The following LNPK variants were observed in gnomAD, a reference collection of about 807,000 sequenced individuals.
The protein encoded by LNPK is endoplasmic reticulum junction formation protein lunapark.
Under a neutral mutation model 55.2 loss-of-function variants are expected in LNPK, and 29 were observed. The observed-to-expected ratio is 0.53, with a 90% CI of 0.39 to 0.72. The LOEUF is 0.72. Ranked by LOEUF, LNPK falls within the 30% of genes least tolerant of loss-of-function variation. LNPK has a pLI of 0.00. For synonymous variants in LNPK, 162 were observed against 168.2 expected (o/e 0.96, Z 0.29); for missense variants, 467 against 494.8 (o/e 0.94, Z 0.53).
intron 8 of LNPK, among the ~76,000 whole-genome samples, chr2:175,962,748 A>G (rs540556009): frequency 5.5e-4 from 84 of 152,326 alleles, no homozygotes; most frequent in African/African-American, 2.0e-3. Context: ...AGAAGAAACT[A>G]CCATCAGACT....
chr2:175,951,955 T>A (rs1685440554), intron 8 of LNPK, among the ~76,000 whole-genome samples: 1 of 151,982 alleles, frequency 6.6e-6, no homozygotes, highest in South Asian at 2.1e-4. Flanking sequence ...GGTATTGCAT[T>A]TTGGTTTTGA....
chr2:175,981,087 T>C (rs540979701), intron 4 of LNPK, among the ~76,000 whole-genome samples: 1 of 152,308 alleles, frequency 6.6e-6, no homozygotes, highest in South Asian at 2.1e-4. Flanking sequence ...AACCTGCAAG[T>C]AGTCACCAGT....
At chr2:176,002,635 T>TTGGG (rs910116636), upstream of LNPK, 1 of 179,018 alleles carries the variant, frequency 5.6e-6, no homozygotes, top group Non-Finnish European at 1.2e-5. Flanking sequence ...AGGACAAAGG[T>TTGGG]TGGGGAGTTG....
At chr2:175,967,201 T>C (rs534830607) in intron 6 of LNPK, among the ~76,000 whole-genome samples, 1 of 152,326 alleles carries the variant, frequency 6.6e-6, no homozygotes, top group South Asian at 2.1e-4. Context: ...TCGTTAGTGT[T>C]AAAGAATGAA....
rs767690146 is a variant in LNPK, at chr2:175,984,240, G to A, written c.258-4372C>T. On this transcript the variant is annotated intron_variant, in intron 4 of 12. Transcript: ENST00000272748. ...TGCCCAGGCTAGAGTGCAGTGGGGC[G>A]CGATCTTGACTCACTGAAACCTCCG... Among the ~76,000 whole-genome samples the A allele has an allele frequency of 2.0e-5, 3 of 151,712 alleles. No homozygotes were observed. In the East Asian group the frequency reaches 5.8e-4, roughly 29 times the overall value.
intron 8 of LNPK, among the ~76,000 whole-genome samples, chr2:175,953,960 G>T (rs142857179): frequency 6.6e-6 from 1 of 152,034 alleles, no homozygotes; most frequent in African/African-American, 2.4e-5. Context: ...CTTTTTCAGG[G>T]ATATGGCAAT....
intron 9 of LNPK, among the ~76,000 whole-genome samples, chr2:175,940,550 T>C (rs1353883890): frequency 6.6e-6 from 1 of 152,116 alleles, no homozygotes; most frequent in African/African-American, 2.4e-5. Context: ...AGGTAAAGTA[T>C]TCAGAAGAGT....
chr2:175,947,733 A>G, intron 8 of LNPK, 41 bp from the exon 9 acceptor site: 5 of 1,380,462 alleles, frequency 3.6e-6, no homozygotes, highest in African/African-American at 1.4e-5. Context: ...TTTCCAATAT[A>G]CCATATTAGC....
intron 4 of LNPK, among the ~76,000 whole-genome samples, chr2:175,984,481 T>A (rs1445962594): frequency 6.6e-6 from 1 of 152,082 alleles, no homozygotes; most frequent in Non-Finnish European, 1.5e-5. Context: ...GCCAGAACTT[T>A]TATCTATAAT....
At chr2:175,934,960 GTTTTTCT>G (rs1684468999) in intron 12 of LNPK, among the ~76,000 whole-genome samples, 1 of 151,988 alleles carries the variant, frequency 6.6e-6, no homozygotes, top group East Asian at 1.9e-4. Flanking sequence ...GATTCTGTAT[GTTTTTCT>G]AAAGAGCGGT....
intron 6 of LNPK, among the ~76,000 whole-genome samples, chr2:175,968,711 C>T (rs181170296): frequency 6.6e-6 from 1 of 152,280 alleles, no homozygotes; most frequent in African/African-American, 2.4e-5. Context: ...TAATTCATAT[C>T]TGTCATTACA....
At chr2:176,000,528 T>C (rs576664933) in intron 1 of LNPK, among the ~76,000 whole-genome samples, 4 of 152,344 alleles carry the variant, frequency 2.6e-5, no homozygotes, top group African/African-American at 9.6e-5. Flanking sequence ...GAAAATTATA[T>C]TAGTTTGTAT....
Position 175,929,392 on chromosome 2 carries a change from T to C in LNPK, c.*575A>G, listed in dbSNP as rs577159189. 6.0e-5 allele frequency: 59 copies of C among 984,958 alleles called. No individual in the cohort carries two copies. The highest frequency in any genetic ancestry group is 5.2e-4 in the Middle Eastern group (1 of 1,914). 61.0% of individuals were successfully genotyped at this position (984,958 alleles called of 1,614,324 possible). A position where few individuals can be genotyped will look rare whatever the true frequency, so the allele number is the denominator to read the frequency against. The stretch of plus-strand genomic sequence containing the variant: ...AGAATTCGTACCAGTGCCAACGTAG[T>C]TACAGTTCTACTTAACTGTTCCACT... On this transcript the variant is annotated 3_prime_UTR_variant, in exon 13 of 13. Coordinates refer to ENST00000272748, the MANE Select transcript of LNPK (RefSeq NM_030650.3).
chr2:175,998,220 G>A (rs1688021307), intron 1 of LNPK, among the ~76,000 whole-genome samples: 3 of 151,998 alleles, frequency 2.0e-5, no homozygotes, highest in Admixed American at 2.0e-4. Context: ...GAGGCGGGTG[G>A]ATCACAAGGT....
rs762929328 is a variant in LNPK, at chr2:175,935,771, C to T, written c.1054+1573G>A. ...CAGGAATTTCAGACAGAAAATGAGA[C>T]GTCTGGGGTATTGCTCCTCCTAGAT... On this transcript the variant is annotated intron_variant, in intron 12 of 12. Coordinates refer to ENST00000272748, the MANE Select transcript of LNPK (RefSeq NM_030650.3). 7 of 971,338 alleles carry T rather than the reference C, an allele frequency of 7.2e-6. No individual in the cohort carries two copies. In the South Asian group the frequency reaches 1.9e-4, roughly 26 times the overall value. The allele number at this position is 971,338 out of a possible 1,614,324, so 60.2% of individuals were successfully genotyped here.
chr2:175,939,973 T>C (rs1361079135), intron 9 of LNPK, among the ~76,000 whole-genome samples: 1 of 152,080 alleles, frequency 6.6e-6, no homozygotes, highest in Non-Finnish European at 1.5e-5. Context: ...GCTCCAACTC[T>C]TAAAAGCCTA....
chr2:176,001,795 GT>G (rs1473479124), intron 1 of LNPK, among the ~76,000 whole-genome samples: 5 of 152,206 alleles, frequency 3.3e-5, no homozygotes, highest in Non-Finnish European at 7.4e-5. Context: ...TGCCCCACCT[GT>G]GTCGAGATAA....
In LNPK at chr2:175,947,518, C is replaced by T. The variant is rs1685196121; in HGVS notation, c.668G>A (p.Arg223Lys). Residue 223 changes from arginine to lysine, a missense_variant, in exon 9 of 13, where the codon AGA becomes AAA. Arg to Lys is a conservative substitution (Grantham distance 26, BLOSUM62 2). Coordinates refer to ENST00000272748, the MANE Select transcript of LNPK (RefSeq NM_030650.3). The part of the protein sequence containing the change: ...TPALSSNVLP[R>K]HLGSPATSVP... The stretch of plus-strand genomic sequence containing the variant: ...TGAAGTAGCAGGGGATCCAAGATGT[C>T]TTGGTAACACATTTGATGATAGGGC... The T allele has an allele frequency of 3.7e-6, 6 of 1,613,746 alleles. No individual in the cohort carries two copies. In the South Asian group the frequency reaches 4.4e-5, roughly 12 times the overall value.
chr2:175,976,117 A>C (rs1366507970), intron 5 of LNPK, among the ~76,000 whole-genome samples: 3 of 152,208 alleles, frequency 2.0e-5, no homozygotes, highest in South Asian at 2.1e-4. Flanking sequence ...AGGAGAGTGA[A>C]AGATGAGGTT....
Sources: allele counts gnomAD v4.1 joint callset (sites outside exome capture counted in the v4.1 genomes callset), GRCh38; gene constraint gnomAD v4.1.1; transcripts MANE v1.5; gene names NCBI Gene and HGNC (gene_info 2026-07-23, HGNC 2026-07-21).